CFAP20DC: variants seen among roughly 807,000 people sequenced by gnomAD.
The protein encoded by CFAP20DC is protein CFAP20DC.
In CFAP20DC, 84 loss-of-function variants were observed where a neutral mutation model predicts 101.7. The ratio of observed to expected loss-of-function variants is 0.83; its 90% CI spans 0.69 to 0.99. The LOEUF (loss-of-function observed/expected upper bound fraction) is 0.99, where lower values mean the gene tolerates loss of function less well. Ranked by LOEUF, CFAP20DC falls within the 50% of genes least tolerant of loss-of-function variation. CFAP20DC has a pLI of 0.00. For synonymous variants in CFAP20DC, 359 were observed against 351.2 expected (o/e 1.02, Z -0.25); for missense variants, 1,007 against 970.3 (o/e 1.04, Z -0.50).
intron 15 of CFAP20DC, among the ~76,000 whole-genome samples, chr3:58,766,048 C>A (rs1362892850): frequency 6.6e-6 from 1 of 152,150 alleles, no homozygotes; most frequent in Admixed American, 6.5e-5. Context: ...ACTTATGCAT[C>A]ATGGGATATC....
chr3:58,831,203 C>A (rs528541906), intron 14 of CFAP20DC, among the ~76,000 whole-genome samples: 2 of 152,248 alleles, frequency 1.3e-5, no homozygotes, highest in Admixed American at 6.5e-5. Context: ...CAGTGCCTAT[C>A]GTAGCCCATC....
At chr3:59,024,759 T>C (rs984217416) in intron 4 of CFAP20DC, among the ~76,000 whole-genome samples, 2 of 152,280 alleles carry the variant, frequency 1.3e-5, no homozygotes, top group Admixed American at 6.5e-5. Context: ...CATGATATAC[T>C]TGAATTGCTA....
At position 58,854,518 on chromosome 3, in the gene CFAP20DC, A is replaced by G. The variant is rs554753350; in HGVS notation, c.1594-5109T>C. 2.4e-3 allele frequency among the ~76,000 whole-genome samples: 370 copies of G among 152,294 alleles called. 5 individuals are homozygous for G. Among genetic ancestry groups the G allele is most frequent in the South Asian group, 0.01 (50 of 4,814 alleles). On this transcript the variant is annotated intron_variant, in intron 12 of 16. Transcript: ENST00000482387. ...TTCATATGGCACCAAAAAAGAGCCC[A>G]CATTGCCAAGTCAATCCTGAGCCAA...
intron 13 of CFAP20DC, among the ~76,000 whole-genome samples, chr3:58,848,073 C>A (rs62252886): frequency 8.4e-6 from 1 of 119,226 alleles, no homozygotes; most frequent in East Asian, 2.5e-4. Context: ...TGCTAGATGA[C>A]GAGTTAGTGG....
intron 4 of CFAP20DC, among the ~76,000 whole-genome samples, chr3:58,955,994 C>T (rs2090588904): frequency 6.6e-6 from 1 of 151,396 alleles, no homozygotes; most frequent in African/African-American, 2.4e-5. Context: ...CAGGATTCTT[C>T]ACCAGCTAAC....
intron 15 of CFAP20DC, among the ~76,000 whole-genome samples, chr3:58,800,887 G>C (rs2107691468): frequency 6.6e-6 from 1 of 152,244 alleles, no homozygotes; most frequent in South Asian, 2.1e-4. Flanking sequence ...AAGTTTAACT[G>C]GTTAACATTT....
chr3:58,807,854 C>T (rs150398598), intron 14 of CFAP20DC, among the ~76,000 whole-genome samples: 21,033 of 152,080 alleles, frequency 0.14, 1,806 homozygotes, highest in Non-Finnish European at 0.2. Flanking sequence ...ATAACCAATA[C>T]AGAGAAGTGC....
rs373261983 is a variant in CFAP20DC at position 58,729,457 on chromosome 3, G to A, written c.198-11829C>T. Among the ~76,000 whole-genome samples the A allele has an allele frequency of 7.9e-5, 12 of 151,754 alleles. No homozygotes were observed. The highest frequency in any genetic ancestry group is 1.7e-4 in the African/African-American group (7 of 41,298). On this transcript the variant is annotated intron_variant, in intron 3 of 3. Transcript: ENST00000486145. The surrounding 1 kb of genome is among the most constrained non-coding windows in gnomAD (Gnocchi z 4.4). ...ATGACTTTTATCCAACAACATTAAC[G>A]AATTCTTATAACTTTTATTAATTTA... is the stretch of plus-strand genomic sequence containing the variant.
At chr3:58,917,184 CA>C (rs1387348917) in intron 5 of CFAP20DC, among the ~76,000 whole-genome samples, 1 of 152,008 alleles carries the variant, frequency 6.6e-6, no homozygotes, top group Non-Finnish European at 1.5e-5. Context: ...AGTTGGCTGG[CA>C]AAGGGTGACA....
chr3:58,979,633 T>G (rs1428584934), intron 4 of CFAP20DC, among the ~76,000 whole-genome samples: 2 of 152,186 alleles, frequency 1.3e-5, no homozygotes, highest in Non-Finnish European at 2.9e-5. Context: ...GATCCTACCT[T>G]AAGCAACAGC....
chr3:58,986,772 A>G (rs754911561), intron 4 of CFAP20DC, among the ~76,000 whole-genome samples: 2 of 152,106 alleles, frequency 1.3e-5, no homozygotes, highest in Non-Finnish European at 2.9e-5. Flanking sequence ...CTAGGGGGAC[A>G]TACCAGCAAT....
chr3:58,989,029 A>C (rs1003821637), intron 4 of CFAP20DC, among the ~76,000 whole-genome samples: 1 of 152,160 alleles, frequency 6.6e-6, no homozygotes, highest in Non-Finnish European at 1.5e-5. Context: ...GCATTTAAAC[A>C]ATACTAAATG....
At position 58,964,835 on chromosome 3, in the gene CFAP20DC, TAA is replaced by T. The variant is rs1041483930; in HGVS notation, c.279-27075_279-27074del. 6.6e-6 allele frequency among the ~76,000 whole-genome samples: 1 copy of T among 152,210 alleles called. No individual in the cohort carries two copies. The highest frequency in any genetic ancestry group is 1.5e-5 in the Non-Finnish European group (1 of 68,038). ...GATTTTTGCAGGTATTTCTATTTTCTAAAGATAGGTTGCTGGATGTAGACTTG... is the reference window on the plus strand; with the variant it reads ...GATTTTTGCAGGTATTTCTATTTTCTAGATAGGTTGCTGGATGTAGACTTG... On this transcript the variant is annotated intron_variant, in intron 4 of 16. Coordinates refer to ENST00000482387, the MANE Select transcript of CFAP20DC (RefSeq NM_001394063.1). The surrounding 1 kb of genome is among the most constrained non-coding windows in gnomAD (Gnocchi z 4.1).
intron 15 of CFAP20DC, among the ~76,000 whole-genome samples, chr3:58,784,901 C>T (rs1040062283): frequency 1.9e-4 from 29 of 152,042 alleles, no homozygotes; most frequent in African/African-American, 6.8e-4. Flanking sequence ...AACAGAACTA[C>T]CATTCGATCC....
In CFAP20DC at chr3:58,753,829, G is replaced by A. The variant is rs1238432474; in HGVS notation, c.2272C>T (p.Pro758Ser). The change falls in exon 16 of 17, where the codon CCT becomes TCT. Residue 758 changes from proline to serine, a missense_variant. Pro to Ser is a moderately conservative substitution (Grantham distance 74). Transcript: ENST00000482387. ...TGCTCAGCCGGCTGTTGACTGGGAG[G>A]AACGATTGGTGGGCTCAACATATTT... ...WLNMLSPPIV[P>S]PSQQPAEQRP... 2 of 1,612,664 alleles carry A rather than the reference G, an allele frequency of 1.2e-6. No homozygotes were observed. The highest frequency in any genetic ancestry group is 1.7e-5 in the Admixed American group (1 of 59,916).
rs1412907678 is a variant in CFAP20DC, at chr3:58,914,179, G to C, written c.394-315C>G. The stretch of plus-strand genomic sequence containing the variant: ...TATGCCAGCAGGAAGCTAATTGCAG[G>C]TGTGTTAGACCAGTGACATCTTGAA... On this transcript the variant is annotated intron_variant, in intron 5 of 16. Transcript: ENST00000482387. The surrounding 1 kb of genome is among the most constrained non-coding windows in gnomAD (Gnocchi z 4.9). Among the ~76,000 whole-genome samples the C allele has an allele frequency of 6.6e-6, 1 of 152,128 alleles. No homozygotes were observed. Among genetic ancestry groups the C allele is most frequent in the Non-Finnish European group, 1.5e-5 (1 of 68,022 alleles).
At chr3:59,041,599 G>A (rs1218776081) in intron 3 of CFAP20DC, among the ~76,000 whole-genome samples, 2 of 152,166 alleles carry the variant, frequency 1.3e-5, no homozygotes, top group East Asian at 3.9e-4. Context: ...TGGAAATTCT[G>A]TTAGTCAAAA....
chr3:58,785,914 G>T (rs1279566731), intron 15 of CFAP20DC, among the ~76,000 whole-genome samples: 5 of 152,058 alleles, frequency 3.3e-5, no homozygotes, highest in African/African-American at 1.2e-4. Context: ...GAATCTGCAA[G>T]GAAACCTCAC....
chr3:58,774,246 A>T (rs970756872), intron 15 of CFAP20DC, among the ~76,000 whole-genome samples: 2 of 152,188 alleles, frequency 1.3e-5, no homozygotes, highest in African/African-American at 4.8e-5. Context: ...GAACCAATCT[A>T]TGGTTTTCTT....
Sources: allele counts gnomAD v4.1 joint callset (sites outside exome capture counted in the v4.1 genomes callset), GRCh38; gene constraint gnomAD v4.1.1; non-coding constraint Gnocchi (gnomAD v3.1); transcripts MANE v1.5; gene names NCBI Gene and HGNC (gene_info 2026-07-23, HGNC 2026-07-21).